PRKCE: variants seen among roughly 807,000 people sequenced by gnomAD.
PRKCE encodes the protein protein kinase C epsilon type.
PRKCE carries 16 observed loss-of-function variants against 85.4 expected under a neutral mutation model. The observed-to-expected ratio is 0.19, with a 90% CI of 0.13 to 0.28. The LOEUF is 0.28. Ranked by LOEUF, PRKCE falls within the 10% of genes least tolerant of loss-of-function variation. The pLI is 1.00. For missense variants in PRKCE, 573 were observed against 975.2 expected (o/e 0.59, Z 5.49); for synonymous variants, 388 against 371.5 (o/e 1.04, Z -0.51).
chr2:45,914,768 C>G (rs1411831987), intron 2 of PRKCE, among the ~76,000 whole-genome samples: 1 of 152,154 alleles, frequency 6.6e-6, no homozygotes, highest in African/African-American at 2.4e-5. Flanking sequence ...GTTTGGCATA[C>G]ATAGGAAGTA....
At chr2:46,067,870 A>G (rs1446303598) in intron 10 of PRKCE, among the ~76,000 whole-genome samples, 1 of 152,198 alleles carries the variant, frequency 6.6e-6, no homozygotes, top group African/African-American at 2.4e-5. Context: ...AGTAAAAGTC[A>G]TGTGAATCTG....
At chr2:45,768,559 G>C (rs759155737) in intron 1 of PRKCE, among the ~76,000 whole-genome samples, 7 of 152,152 alleles carry the variant, frequency 4.6e-5, no homozygotes, top group African/African-American at 9.7e-5. Flanking sequence ...GGGAGAGTTA[G>C]GAGGGGACAG....
rs114707664 is a variant in PRKCE, at chr2:45,909,778, C to A, written c.413-66651C>A. Among the ~76,000 whole-genome samples, 564 of 152,288 alleles carry A rather than the reference C, an allele frequency of 3.7e-3. 2 individuals are homozygous for A. The highest frequency in any genetic ancestry group is 0.013 in the African/African-American group (535 of 41,560). Reference sequence around the variant, plus strand: ...TTCCTGGACTTGTTCCTAGAACATCCCTTCCAGGTCACCATACCTGTCTCT... The same window carrying A: ...TTCCTGGACTTGTTCCTAGAACATCACTTCCAGGTCACCATACCTGTCTCT... On this transcript the variant is annotated intron_variant, in intron 2 of 14. Coordinates refer to ENST00000306156, the MANE Select transcript of PRKCE (RefSeq NM_005400.3).
At chr2:45,914,582 C>T (rs941608062) in intron 2 of PRKCE, among the ~76,000 whole-genome samples, 7 of 152,270 alleles carry the variant, frequency 4.6e-5, no homozygotes, top group East Asian at 1.9e-4. Flanking sequence ...CCAGGCTGAT[C>T]GTCCCCCATC....
At chr2:46,152,762 T>C (rs1043881374) in intron 13 of PRKCE, among the ~76,000 whole-genome samples, 18 of 152,066 alleles carry the variant, frequency 1.2e-4, no homozygotes, top group Non-Finnish European at 1.9e-4. Context: ...TTGGCCAGGC[T>C]GGTTCCGAAC....
At chr2:46,133,987 G>C (rs1674714040) in intron 11 of PRKCE, among the ~76,000 whole-genome samples, 1 of 152,176 alleles carries the variant, frequency 6.6e-6, no homozygotes. Context: ...GGTGTTGCTT[G>C]GTTCTCTTCC....
chr2:45,651,886 C>G lies in PRKCE; in HGVS notation c.-215C>G, dbSNP rs762235744. The G allele has an allele frequency of 1.0e-4, 50 of 494,460 alleles. No homozygotes were observed. The highest frequency in any genetic ancestry group is 1.7e-4 in the South Asian group (5 of 28,724). 30.6% of individuals were successfully genotyped at this position (494,460 alleles called of 1,614,324 possible). A position where few individuals can be genotyped will look rare whatever the true frequency, so the allele number is the denominator to read the frequency against. On this transcript the variant is annotated 5_prime_UTR_variant, in exon 1 of 15. Coordinates refer to ENST00000306156, the MANE Select transcript of PRKCE (RefSeq NM_005400.3). ...CACGGACATCCCCCAGCTCTCCCCC[C>G]TCCCTGTTTTCCGTTAGGAACCCGG...
intron 1 of PRKCE, among the ~76,000 whole-genome samples, chr2:45,698,952 G>T (rs952924917): frequency 6.6e-6 from 1 of 152,168 alleles, no homozygotes; most frequent in African/African-American, 2.4e-5. Flanking sequence ...TTTATGTATT[G>T]CCAAGGAGTG....
rs1057046392 is a variant in PRKCE at position 45,772,311 on chromosome 2, A to T, written c.349-70689A>T. ...AAAAAAGCCAGACAGCAAGGAAAAG[A>T]TAGGGAGTAAAAGTAACCTAAGGAG... On this transcript the variant is annotated intron_variant, in intron 1 of 14. Coordinates refer to ENST00000306156, the MANE Select transcript of PRKCE (RefSeq NM_005400.3). Among the ~76,000 whole-genome samples, 3 of 152,046 alleles carry T rather than the reference A, an allele frequency of 2.0e-5. No individual in the cohort carries two copies. The East Asian group carries it at 5.8e-4, about 29-fold the overall frequency.
chr2:46,162,692 G>A (rs1296993185), intron 14 of PRKCE, among the ~76,000 whole-genome samples: 1 of 152,200 alleles, frequency 6.6e-6, no homozygotes, highest in Admixed American at 6.5e-5. Flanking sequence ...GCTGAGTAAT[G>A]TTGATCCTTA....
rs1204406478 is a variant in PRKCE, at chr2:45,774,607, T to C, written c.349-68393T>C. On this transcript the variant is annotated intron_variant, in intron 1 of 14. Transcript: ENST00000306156. The surrounding 1 kb of genome is among the most constrained non-coding windows in gnomAD (Gnocchi z 4.3). ...GTGTGACTGTACAGAGCAGGCAGCC[T>C]GTGGGGTAGGGTTGCACTGAGAGGG... Among the ~76,000 whole-genome samples the C allele has an allele frequency of 6.6e-6, 1 of 152,150 alleles. No homozygotes were observed. The highest frequency in any genetic ancestry group is 1.9e-4 in the East Asian group (1 of 5,188).
chr2:46,025,543 A>C (rs1417223515), intron 10 of PRKCE, among the ~76,000 whole-genome samples: 2 of 152,220 alleles, frequency 1.3e-5, no homozygotes, highest in Admixed American at 1.3e-4. Flanking sequence ...TACTCCTACA[A>C]ATTGGAGGAA....
chr2:45,694,045 A>T (rs533598433), intron 1 of PRKCE, among the ~76,000 whole-genome samples: 1 of 151,434 alleles, frequency 6.6e-6, no homozygotes, highest in South Asian at 2.1e-4. Context: ...GGAATTTTTG[A>T]CCCGTGGACA....
chr2:45,968,875 C>T (rs184464707), intron 2 of PRKCE, among the ~76,000 whole-genome samples: 1 of 152,034 alleles, frequency 6.6e-6, no homozygotes, highest in East Asian at 1.9e-4. Context: ...CCATCTCTCC[C>T]TGAGTCCCTG....
At chr2:45,760,878 C>T (rs753717305) in intron 1 of PRKCE, among the ~76,000 whole-genome samples, 30 of 152,222 alleles carry the variant, frequency 2.0e-4, no homozygotes, top group South Asian at 1.5e-3. Context: ...GGGAAACGCA[C>T]GTCTGATTCC....
chr2:45,718,740 A>G (rs1435523887), intron 1 of PRKCE, among the ~76,000 whole-genome samples: 1 of 152,196 alleles, frequency 6.6e-6, no homozygotes, highest in East Asian at 1.9e-4. Flanking sequence ...AACCTGTTAT[A>G]GCTCTGGAGG....
chr2:45,673,636 G>C (rs755220454), intron 1 of PRKCE, among the ~76,000 whole-genome samples: 1 of 152,172 alleles, frequency 6.6e-6, no homozygotes, highest in Non-Finnish European at 1.5e-5. Context: ...TTATCATAAA[G>C]ACTAAAACTT....
chr2:46,002,812 C>T lies in PRKCE; in HGVS notation c.966+1266C>T, dbSNP rs61756884. ...CTGAGCAAACACTCTGTCATGACAA[C>T]GTTATGCAAACACATTTAAAAGCTC... is the stretch of plus-strand genomic sequence containing the variant. On this transcript the variant is annotated intron_variant, in intron 7 of 14. Transcript: ENST00000306156. Among the ~76,000 whole-genome samples, 626 of 152,312 alleles carry T rather than the reference C, an allele frequency of 4.1e-3. 3 individuals carry two copies. The highest frequency in any genetic ancestry group is 7.0e-3 in the Non-Finnish European group (474 of 68,028).
chr2:45,797,764 ATTGGG>A (rs1310615691), intron 1 of PRKCE, among the ~76,000 whole-genome samples: 2 of 152,140 alleles, frequency 1.3e-5, no homozygotes, highest in African/African-American at 4.8e-5. Flanking sequence ...ATCTTTTTCA[ATTGGG>A]ACTACCGTGG....
Sources: allele counts gnomAD v4.1 joint callset (sites outside exome capture counted in the v4.1 genomes callset), GRCh38; gene constraint gnomAD v4.1.1; non-coding constraint Gnocchi (gnomAD v3.1); transcripts MANE v1.5; gene names NCBI Gene and HGNC (gene_info 2026-07-23, HGNC 2026-07-21).